NDNF: variants seen among roughly 807,000 people sequenced by gnomAD.
The protein encoded by NDNF is protein NDNF.
Under a neutral mutation model 42.0 loss-of-function variants are expected in NDNF, and 16 were observed. The ratio of observed to expected loss-of-function variants is 0.38; its 90% CI spans 0.26 to 0.58. The LOEUF (loss-of-function observed/expected upper bound fraction) is 0.58, where lower values mean the gene tolerates loss of function less well. Ranked by LOEUF, NDNF falls within the 20% of genes least tolerant of loss-of-function variation. The pLI is 0.67. For synonymous variants in NDNF, 248 were observed against 251.7 expected, an observed-to-expected ratio of 0.99 and a Z score of 0.14; for missense variants, 616 against 666.2, an observed-to-expected ratio of 0.92 and a Z score of 0.83.
Position 121,037,298 on chromosome 4 carries a change from A to C in NDNF, c.673T>G (p.Cys225Gly). The change falls in exon 4 of 4, where the codon TGT becomes GGT. Residue 225 changes from cysteine to glycine, a missense_variant. Transcript: ENST00000379692. ...GCACTCAGTTTTGCTTCCACTGCAC[A>C]GAGACTTTTGAAATTGTGCTCTTTG... ...INKEHNFKSLCAVEAKLSADD... is the reference protein window; with the variant it reads ...INKEHNFKSLGAVEAKLSADD... The C allele has an allele frequency of 6.2e-7, 1 of 1,614,106 alleles. No individual in the cohort carries two copies. The highest frequency in any genetic ancestry group is 8.5e-7 in the Non-Finnish European group (1 of 1,180,012).
intron 1 of NDNF, among the ~76,000 whole-genome samples, chr4:121,064,849 T>C (rs1410745483): frequency 2.6e-5 from 4 of 152,204 alleles, no homozygotes; most frequent in Non-Finnish European, 5.9e-5. Context: ...TTACAGTAGA[T>C]ATAATTGTAC....
At position 121,037,491 on chromosome 4, in the gene NDNF, T is replaced by C. The variant is rs1474147960; in HGVS notation, c.480A>G (p.Lys160=). 1 of 1,614,172 alleles carries C rather than the reference T, an allele frequency of 6.2e-7. No homozygotes were observed. The highest frequency in any genetic ancestry group is 1.7e-5 in the Admixed American group (1 of 60,020). ...LLSTEKDTHF[K]VYATTTPESD... is the part of the protein sequence containing the mutation. Reference sequence around the variant, plus strand: ...ATTCTGGAGTTGTGGTGGCATATACTTTGAAATGTGTGTCTTTCTCTGTTG... The same window carrying C: ...ATTCTGGAGTTGTGGTGGCATATACCTTGAAATGTGTGTCTTTCTCTGTTG... The change falls in exon 4 of 4, where the codon AAA becomes AAG. Residue 160 remains lysine, a synonymous_variant. Transcript: ENST00000379692.
chr4:121,053,439 T>C (rs893378908), intron 1 of NDNF, among the ~76,000 whole-genome samples: 2 of 152,218 alleles, frequency 1.3e-5, no homozygotes, highest in Admixed American at 6.5e-5. Context: ...TTAAAGTAAG[T>C]AATCTTGTAT....
chr4:121,068,423 A>G (rs1282681506), intron 1 of NDNF, among the ~76,000 whole-genome samples: 2 of 152,228 alleles, frequency 1.3e-5, no homozygotes, highest in Non-Finnish European at 2.9e-5. Context: ...TGTGGCTTCT[A>G]TTAAATGATT....
chr4:121,042,409 G>A (rs1286397199), intron 2 of NDNF, among the ~76,000 whole-genome samples: 2 of 152,164 alleles, frequency 1.3e-5, no homozygotes, highest in Middle Eastern at 3.2e-3. Context: ...GATGGAGAAT[G>A]GGAGTGGGGC....
intron 2 of NDNF, among the ~76,000 whole-genome samples, chr4:121,042,671 C>A (rs1727018405): frequency 6.6e-6 from 1 of 152,078 alleles, no homozygotes; most frequent in Admixed American, 6.6e-5. Flanking sequence ...CATAATTGAA[C>A]CTATCTATAT....
At chr4:121,052,797 GT>G (rs1727222535) in intron 1 of NDNF, among the ~76,000 whole-genome samples, 1 of 152,050 alleles carries the variant, frequency 6.6e-6, no homozygotes, top group African/African-American at 2.4e-5. Flanking sequence ...GTTTTATTTT[GT>G]TTTCTTTTGC....
chr4:121,056,075 CCAAA>C (rs2148769076), intron 1 of NDNF, among the ~76,000 whole-genome samples: 1 of 152,248 alleles, frequency 6.6e-6, no homozygotes, highest in South Asian at 2.1e-4. Context: ...TAAACTGTAT[CCAAA>C]CAGATAGGCT....
intron 1 of NDNF, among the ~76,000 whole-genome samples, chr4:121,046,613 T>A (rs1187359848): frequency 6.6e-6 from 1 of 152,228 alleles, no homozygotes; most frequent in Non-Finnish European, 1.5e-5. Flanking sequence ...TTTTAGAAAA[T>A]GGGCTTGAAC....
At chr4:121,043,909 A>C (rs902046789) in intron 2 of NDNF, among the ~76,000 whole-genome samples, 27 of 152,258 alleles carry the variant, frequency 1.8e-4, no homozygotes, top group African/African-American at 6.3e-4. Context: ...TTGAAGTATT[A>C]TGACTGCTTT....
chr4:121,052,763 T>A (rs1560607165), intron 1 of NDNF, among the ~76,000 whole-genome samples: 1 of 152,202 alleles, frequency 6.6e-6, no homozygotes, highest in African/African-American at 2.4e-5. Flanking sequence ...AATGCAGCAA[T>A]CAAAAGTTGA....
intron 1 of NDNF, among the ~76,000 whole-genome samples, chr4:121,048,500 T>G (rs1350493511): frequency 6.6e-6 from 1 of 152,192 alleles, no homozygotes; most frequent in East Asian, 1.9e-4. Flanking sequence ...CCCTGCATCC[T>G]CAACTGCCCT....
At chr4:121,054,165 A>T (rs1185295001) in intron 1 of NDNF, among the ~76,000 whole-genome samples, 2 of 152,226 alleles carry the variant, frequency 1.3e-5, no homozygotes. Context: ...AGAGCAAAAA[A>T]TGAAGAGAAT....
rs1418661205 is a variant in NDNF at position 121,046,594 on chromosome 4, C to T, written c.-1-756G>A. On this transcript the variant is annotated intron_variant, in intron 1 of 3. Transcript: ENST00000379692. ...CTTCAACACAACGTTGACATATACACCTCTATCATTTTAGAAAATGGGCTT... is the reference window on the plus strand; with the variant it reads ...CTTCAACACAACGTTGACATATACATCTCTATCATTTTAGAAAATGGGCTT... 8.5e-5 allele frequency among the ~76,000 whole-genome samples: 13 copies of T among 152,136 alleles called. 1 individual carries two copies. Among genetic ancestry groups the T allele is most frequent in the Admixed American group, 8.5e-4 (13 of 15,278 alleles).
At chr4:121,065,308 TAATGAGGCAATCTTTGCCCCAC>T (rs559982678) in intron 1 of NDNF, among the ~76,000 whole-genome samples, 4,033 of 151,962 alleles carry the variant, frequency 0.027, 74 homozygotes, top group Non-Finnish European at 0.038. Context: ...TCTTACACCA[TAATGAGGCAATCTTTGCCCCAC>T]AATGAGGCAA....
chr4:121,052,725 G>A (rs769773010), intron 1 of NDNF, among the ~76,000 whole-genome samples: 11 of 152,210 alleles, frequency 7.2e-5, no homozygotes, highest in South Asian at 6.2e-4. Context: ...ATGTGCCAGC[G>A]TGGATGTACG....
intron 1 of NDNF, among the ~76,000 whole-genome samples, chr4:121,046,508 T>C (rs1487469739): frequency 6.6e-6 from 1 of 152,216 alleles, no homozygotes; most frequent in Admixed American, 6.5e-5. Flanking sequence ...GATTAAGCAA[T>C]TTGTCCAGAA....
intron 1 of NDNF, among the ~76,000 whole-genome samples, chr4:121,069,333 G>A (rs1727551692): frequency 6.6e-6 from 1 of 152,056 alleles, no homozygotes; most frequent in African/African-American, 2.4e-5. Flanking sequence ...TGAGGGTGGG[G>A]GCTTCTCTTG....
intron 2 of NDNF, among the ~76,000 whole-genome samples, chr4:121,044,255 T>C (rs976681857): frequency 1.3e-5 from 2 of 152,166 alleles, no homozygotes; most frequent in Non-Finnish European, 2.9e-5. Context: ...CTTCCATGAT[T>C]ACTGTTAATC....
Sources: allele counts gnomAD v4.1 joint callset (sites outside exome capture counted in the v4.1 genomes callset), GRCh38; gene constraint gnomAD v4.1.1; transcripts MANE v1.5; gene names NCBI Gene and HGNC (gene_info 2026-07-23, HGNC 2026-07-21).